The following COL28A1 variants were observed in gnomAD, a reference collection of about 807,000 sequenced individuals.
COL28A1 encodes collagen alpha-1(XXVIII) chain.
Under a neutral mutation model 150.2 loss-of-function variants are expected in COL28A1, and 161 were observed. The ratio of observed to expected loss-of-function variants is 1.07; its 90% CI spans 0.94 to 1.22. COL28A1 has a LOEUF of 1.22. Among genes scored for constraint, COL28A1 ranks in the 50% most tolerant of loss-of-function variants. COL28A1 has a pLI of 0.00. For missense variants in COL28A1, 1,617 were observed against 1,388.3 expected (o/e 1.16, Z -2.62); for synonymous variants, 552 against 469.7 (o/e 1.18, Z -2.26).
intron 6 of COL28A1, among the ~76,000 whole-genome samples, chr7:7,519,714 C>T (rs1206008854): frequency 6.6e-6 from 1 of 152,108 alleles, no homozygotes; most frequent in East Asian, 1.9e-4. Flanking sequence ...CCATTAAAAA[C>T]ACAAGTGCCA....
At chr7:7,342,082 T>C in the COL28A1 span, among the ~76,000 whole-genome samples, 1 of 152,148 alleles carries the variant, frequency 6.6e-6, no homozygotes, top group African/African-American at 2.4e-5. Context: ...CTCCTTATAG[T>C]TCAGTCCCTT....
chr7:7,358,288 T>C lies in COL28A1; in HGVS notation c.*345A>G, dbSNP rs1198344999. ...ACAGGGGTAGGGGTTTGAGCTGACA[T>C]AGTACATACAACAGGAATTAAAGGA... On this transcript the variant is annotated 3_prime_UTR_variant, in exon 35 of 35. Coordinates refer to ENST00000399429, the MANE Select transcript of COL28A1 (RefSeq NM_001037763.3). 5.8e-6 allele frequency: 1 copy of C among 172,868 alleles called. No individual in the cohort carries two copies. Among genetic ancestry groups the C allele is most frequent in the Non-Finnish European group, 1.2e-5 (1 of 82,056 alleles). 10.7% of individuals were successfully genotyped at this position (172,868 alleles called of 1,614,324 possible).
chr7:7,494,562 C>A (rs939855573), intron 11 of COL28A1, among the ~76,000 whole-genome samples: 8 of 152,206 alleles, frequency 5.3e-5, no homozygotes, highest in African/African-American at 1.9e-4. Context: ...TCACACAACA[C>A]CTGTTTAATA....
intron 4 of COL28A1, chr7:7,522,179 C>G (rs375355968): frequency 1.7e-6 from 1 of 576,128 alleles, no homozygotes; most frequent in Non-Finnish European, 3.2e-6. Flanking sequence ...TTATTCCAGG[C>G]AAATTTATAC....
chr7:7,472,537 T>C (rs1788521946), intron 15 of COL28A1, among the ~76,000 whole-genome samples: 1 of 151,952 alleles, frequency 6.6e-6, no homozygotes, highest in Admixed American at 6.6e-5. Context: ...CACAAACAAA[T>C]GCAAACACAT....
chr7:7,490,476 G>A (rs1779855898), intron 12 of COL28A1, 102 bp downstream of exon 12: 1 of 562,194 alleles, frequency 1.8e-6, no homozygotes, highest in African/African-American at 1.9e-5. Flanking sequence ...AAGCCTCCTT[G>A]TGTCTATTGG....
the COL28A1 span, among the ~76,000 whole-genome samples, chr7:7,346,485 T>A: frequency 3.3e-5 from 5 of 152,012 alleles, no homozygotes; most frequent in Non-Finnish European, 5.9e-5. Context: ...GGCAATACAA[T>A]GTTGTTTGAA....
intron 27 of COL28A1, among the ~76,000 whole-genome samples, chr7:7,401,538 A>G (rs1783207895): frequency 1.3e-5 from 2 of 152,132 alleles, no homozygotes. Context: ...CCATTTCAGA[A>G]AATGGAAATT....
chr7:7,502,634 G>A (rs7810134), intron 11 of COL28A1, among the ~76,000 whole-genome samples: 55,239 of 148,742 alleles, frequency 0.37, 13,257 homozygotes, highest in African/African-American at 0.69. Flanking sequence ...ATGAAATATA[G>A]TATTTGAAAA....
Position 7,452,657 on chromosome 7 carries a change from G to C in COL28A1, c.1441-270C>G, listed in dbSNP as rs7787580. Among the ~76,000 whole-genome samples the C allele has an allele frequency of 0.2, 31,063 of 152,168 alleles. 4,000 individuals carry two copies. Among genetic ancestry groups the C allele is most frequent in the African/African-American group, 0.37 (15,235 of 41,468 alleles). On this transcript the variant is annotated intron_variant, in intron 17 of 34. Coordinates refer to ENST00000399429, the MANE Select transcript of COL28A1 (RefSeq NM_001037763.3). ...CAAAATTGATTTTAAGGAGCCCCTT[G>C]TGGAGGGTATCTGGAAAAGATAGGC...
rs531104545 is a variant in COL28A1 at position 7,393,265 on chromosome 7, G to T, written c.2137-11653C>A. Among the ~76,000 whole-genome samples, 14 of 152,324 alleles carry T rather than the reference G, an allele frequency of 9.2e-5. No homozygotes were observed. The South Asian group carries it at 1.2e-3, about 14-fold the overall frequency. ...TTGCTGGACGTCCACTCCAGACCCT[G>T]TTTGCCTGGGCATTACCAGTGGAGG... On this transcript the variant is annotated intron_variant, in intron 27 of 34. Coordinates refer to ENST00000399429, the MANE Select transcript of COL28A1 (RefSeq NM_001037763.3).
intron 33 of COL28A1, among the ~76,000 whole-genome samples, chr7:7,361,698 ATTTG>A (rs1202940199): frequency 1.1e-4 from 16 of 152,222 alleles, no homozygotes; most frequent in Admixed American, 5.9e-4. Context: ...TTTCTTGTAA[ATTTG>A]TTTAAGTTCT....
chr7:7,432,566 A>T (rs1230139802), intron 24 of COL28A1, 25 bp from the exon 25 acceptor site: 1 of 1,612,562 alleles, frequency 6.2e-7, no homozygotes, highest in Admixed American at 1.7e-5. Context: ...TAAGGGAGGG[A>T]GTGAGCATCC....
intron 27 of COL28A1, among the ~76,000 whole-genome samples, chr7:7,416,248 G>A (rs1562587494): frequency 6.6e-6 from 1 of 152,190 alleles, no homozygotes; most frequent in Non-Finnish European, 1.5e-5. Flanking sequence ...TGTGATGGGA[G>A]GCTTCAGGAC....
chr7:7,512,456 TATACA>T (rs1338111159), intron 8 of COL28A1, among the ~76,000 whole-genome samples: 1 of 152,190 alleles, frequency 6.6e-6, no homozygotes, highest in East Asian at 1.9e-4. Flanking sequence ...AATTATATTT[TATACA>T]ATACAATAAA....
chr7:7,484,836 T>C (rs1450892159), intron 13 of COL28A1, among the ~76,000 whole-genome samples: 2 of 152,142 alleles, frequency 1.3e-5, no homozygotes, highest in Admixed American at 6.5e-5. Context: ...TGCAGCAACA[T>C]GGATGGAGCT....
At chr7:7,477,730 A>T (rs750175454) in intron 13 of COL28A1, among the ~76,000 whole-genome samples, 2 of 152,180 alleles carry the variant, frequency 1.3e-5, no homozygotes, top group African/African-American at 4.8e-5. Context: ...CAGCAGTAAG[A>T]TATACAGCAA....
chr7:7,492,389 C>A (rs1356973732), intron 11 of COL28A1, among the ~76,000 whole-genome samples: 2 of 147,100 alleles, frequency 1.4e-5, no homozygotes, highest in Non-Finnish European at 3.0e-5. Context: ...GCCTGGCCAA[C>A]ATGGTGAAAC....
At chr7:7,350,535 T>C in the COL28A1 span, among the ~76,000 whole-genome samples, 187 of 152,280 alleles carry the variant, frequency 1.2e-3, 1 homozygote, top group African/African-American at 4.2e-3. Context: ...GCAAAGTCTA[T>C]ACCAATTCCA....
Sources: allele counts gnomAD v4.1 joint callset (sites outside exome capture counted in the v4.1 genomes callset), GRCh38; gene constraint gnomAD v4.1.1; transcripts MANE v1.5; gene names NCBI Gene and HGNC (gene_info 2026-07-23, HGNC 2026-07-21).